TAF3: variants seen among roughly 807,000 people sequenced by gnomAD.
The protein encoded by TAF3 is TATA-box binding protein associated factor 3.
TAF3 carries 7 observed loss-of-function variants against 80.6 expected under a neutral mutation model. That is an observed-to-expected ratio of 0.09 (90% confidence interval 0.05 to 0.16). The LOEUF is 0.16. Among genes scored for constraint, TAF3 ranks in the 10% least tolerant of loss-of-function variants. The pLI, the probability that TAF3 is intolerant of heterozygous loss-of-function variation, is 1.00. For synonymous variants in TAF3, 444 were observed against 446.1 expected, an observed-to-expected ratio of 1.00 and a Z score of 0.06; for missense variants, 921 against 1,140.2, an observed-to-expected ratio of 0.81 and a Z score of 2.77.
At chr10:7,903,757 A>G (rs1837581659) in intron 2 of TAF3, among the ~76,000 whole-genome samples, 1 of 152,050 alleles carries the variant, frequency 6.6e-6, no homozygotes, top group Non-Finnish European at 1.5e-5. Context: ...AGACATAAAT[A>G]TGTTTTATTT....
At chr10:7,903,897 T>G (rs1222114097) in intron 2 of TAF3, among the ~76,000 whole-genome samples, 2 of 152,128 alleles carry the variant, frequency 1.3e-5, no homozygotes, top group Non-Finnish European at 2.9e-5. Flanking sequence ...AGACAAGTAT[T>G]CAGAGATACA....
chr10:8,006,223 C>CACAA (rs1831992157), intron 4 of TAF3, among the ~76,000 whole-genome samples: 1 of 140,568 alleles, frequency 7.1e-6, no homozygotes, highest in Non-Finnish European at 1.5e-5. Flanking sequence ...CACACACACA[C>CACAA]AAATTAGCTG....
chr10:7,953,376 T>G (rs1438190555), intron 2 of TAF3, among the ~76,000 whole-genome samples: 1 of 152,228 alleles, frequency 6.6e-6, no homozygotes, highest in Non-Finnish European at 1.5e-5. Flanking sequence ...AGCTCTGTCC[T>G]GCCCTTTAGA....
At chr10:7,995,259 A>C (rs1337402610) in intron 4 of TAF3, among the ~76,000 whole-genome samples, 1 of 152,196 alleles carries the variant, frequency 6.6e-6, no homozygotes, top group East Asian at 1.9e-4. Flanking sequence ...ATATACATTG[A>C]GGTTCATTCA....
At chr10:7,851,904 T>G (rs1837030613) in intron 2 of TAF3, among the ~76,000 whole-genome samples, 1 of 151,650 alleles carries the variant, frequency 6.6e-6, no homozygotes, top group African/African-American at 2.4e-5. Context: ...TCCCACCTCC[T>G]GAGTAGCTGA....
At chr10:7,987,272 T>C (rs745320114) in intron 4 of TAF3, among the ~76,000 whole-genome samples, 4 of 152,072 alleles carry the variant, frequency 2.6e-5, no homozygotes, top group Non-Finnish European at 5.9e-5. Flanking sequence ...GTCGTGATCA[T>C]GCCACTGCAC....
chr10:7,856,126 A>G (rs987855005), intron 2 of TAF3, among the ~76,000 whole-genome samples: 1 of 152,096 alleles, frequency 6.6e-6, no homozygotes, highest in Admixed American at 6.6e-5. Context: ...GGCAGCAGAA[A>G]TTTTTTTAAA....
chr10:7,932,965 C>T (rs1392194391), intron 2 of TAF3, among the ~76,000 whole-genome samples: 1 of 151,930 alleles, frequency 6.6e-6, no homozygotes, highest in African/African-American at 2.4e-5. Context: ...CAGGCGTGAA[C>T]CTCTGTGCCC....
At chr10:7,990,036 C>T in intron 4 of TAF3, among the ~76,000 whole-genome samples, 1 of 151,966 alleles carries the variant, frequency 6.6e-6, no homozygotes, top group South Asian at 2.1e-4. Flanking sequence ...TTAAAATTAA[C>T]TGTATCTATT....
chr10:7,866,928 G>A (rs772825336), intron 2 of TAF3, among the ~76,000 whole-genome samples: 1 of 152,118 alleles, frequency 6.6e-6, no homozygotes, highest in African/African-American at 2.4e-5. Context: ...AGATCAATGT[G>A]CAATTTAAAT....
At chr10:8,008,753 G>A (rs781428667) in intron 4 of TAF3, among the ~76,000 whole-genome samples, 1 of 152,150 alleles carries the variant, frequency 6.6e-6, no homozygotes, top group Non-Finnish European at 1.5e-5. Context: ...GGTGGGGAGC[G>A]CCACCTCTGA....
intron 4 of TAF3, among the ~76,000 whole-genome samples, chr10:7,987,703 A>G (rs1016418862): frequency 2.6e-5 from 4 of 152,240 alleles, no homozygotes; most frequent in African/African-American, 2.4e-5. Flanking sequence ...GTGAAATCCT[A>G]TTGTTCTAAA....
At chr10:7,971,833 C>CA (rs1017611457) in intron 3 of TAF3, among the ~76,000 whole-genome samples, 7 of 151,810 alleles carry the variant, frequency 4.6e-5, no homozygotes, top group African/African-American at 1.7e-4. Context: ...TGAAGATTAA[C>CA]AAAAAAAATG....
chr10:8,003,800 A>G (rs916238417), intron 4 of TAF3, among the ~76,000 whole-genome samples: 4 of 152,098 alleles, frequency 2.6e-5, no homozygotes, highest in Non-Finnish European at 5.9e-5. Context: ...AATCCCAGCT[A>G]TTAGGTAGGC....
chr10:7,869,777 A>G (rs1255274304), intron 2 of TAF3, among the ~76,000 whole-genome samples: 1 of 152,210 alleles, frequency 6.6e-6, no homozygotes, highest in Non-Finnish European at 1.5e-5. Flanking sequence ...TGCAGTGCAT[A>G]TTATCCTTTT....
intron 1 of TAF3, among the ~76,000 whole-genome samples, chr10:7,822,102 A>C (rs928552637): frequency 1.3e-5 from 2 of 152,162 alleles, no homozygotes; most frequent in Admixed American, 6.5e-5. Context: ...TAAGTAGGGG[A>C]ATAGTATGAT....
intron 2 of TAF3, among the ~76,000 whole-genome samples, chr10:7,924,213 G>A (rs1197703488): frequency 6.6e-6 from 1 of 152,194 alleles, no homozygotes; most frequent in Non-Finnish European, 1.5e-5. Context: ...GGGAGAAATG[G>A]AAAGCCAAAA....
chr10:7,840,412 A>G (rs1836900276), intron 2 of TAF3, among the ~76,000 whole-genome samples: 1 of 151,908 alleles, frequency 6.6e-6, no homozygotes, highest in African/African-American at 2.4e-5. Context: ...TCGGCCTCCC[A>G]AAGTGCTGGG....
At position 7,957,358 on chromosome 10, in the gene TAF3, G is replaced by T. The variant is rs537801336; in HGVS notation, c.410-6562G>T. 3.9e-5 allele frequency among the ~76,000 whole-genome samples: 6 copies of T among 152,154 alleles called. No individual in the cohort carries two copies. In the South Asian group the frequency reaches 1.2e-3, roughly 32 times the overall value. On this transcript the variant is annotated intron_variant, in intron 2 of 6. Transcript: ENST00000344293. ...CCACAGATACTAACTCTGGATGTGT[G>T]CTGCTATTGGTTTTACAGAGATCAC...
Sources: allele counts gnomAD v4.1 joint callset (sites outside exome capture counted in the v4.1 genomes callset), GRCh38; gene constraint gnomAD v4.1.1; transcripts MANE v1.5; gene names NCBI Gene and HGNC (gene_info 2026-07-23, HGNC 2026-07-21).